Variants in NAPG observed in about 807,000 individuals in gnomAD.
The protein encoded by NAPG is NSF attachment protein gamma.
In NAPG, 25 loss-of-function variants were observed where a neutral mutation model predicts 48.4. The observed-to-expected ratio is 0.52, with a 90% CI of 0.38 to 0.72. The LOEUF is 0.72. Among genes scored for constraint, NAPG ranks in the 30% least tolerant of loss-of-function variants. The probability of loss-of-function intolerance (pLI) is 0.00; values close to 1 mark genes in which losing one functional copy is unlikely to be tolerated. For missense variants in NAPG, 359 were observed against 372.5 expected, an observed-to-expected ratio of 0.96 and a Z score of 0.30; for synonymous variants, 139 against 127.2, an observed-to-expected ratio of 1.09 and a Z score of -0.62.
chr18:10,532,960 T>C (rs1303225222), intron 3 of NAPG, 165 bp downstream of exon 3: 4 of 615,582 alleles, frequency 6.5e-6, no homozygotes, highest in African/African-American at 5.6e-5. Context: ...GCGTTTATAA[T>C]GAAGTTTGAT....
chr18:10,533,537 CT>C lies in NAPG; in HGVS notation c.216del (p.His73MetfsTer11), dbSNP rs1312275216. On this transcript the variant is annotated frameshift_variant and splice_region_variant, in exon 4 of 12. Transcript: ENST00000322897. LOFTEE classifies it high-confidence loss of function. ...EAVAHENNRA[L>X]FHAAKAYEQA... ...TTTGACTTCGTTACTTCCATTCAGT[CT>C]TTTTCATGCTGCCAAGTAAGTATTC... is the stretch of plus-strand genomic sequence containing the variant. 6.3e-7 allele frequency: 1 copy of C among 1,593,234 alleles called. No homozygotes were observed. The highest frequency in any genetic ancestry group is 8.5e-7 in the Non-Finnish European group (1 of 1,170,590).
Position 10,526,153 on chromosome 18 carries a change from GA to G in NAPG, c.54del (p.Lys18AsnfsTer3). On this transcript the variant is annotated frameshift_variant, in exon 1 of 12. Coordinates refer to ENST00000322897, the MANE Select transcript of NAPG (RefSeq NM_003826.3). LOFTEE classifies it high-confidence loss of function. ...EGLEHLAKAE[K>X]YLKTGFLKWK... ...GGCTGGAACACCTCGCCAAAGCAGAGAAATAGTGAGTGAGAACCTTCCGGGG... is the reference window on the plus strand; with the variant it reads ...GGCTGGAACACCTCGCCAAAGCAGAGAATAGTGAGTGAGAACCTTCCGGGG... 1 of 1,536,802 alleles carries G rather than the reference GA, an allele frequency of 6.5e-7. No individual in the cohort carries two copies. The highest frequency in any genetic ancestry group is 8.8e-7 in the Non-Finnish European group (1 of 1,131,348).
At chr18:10,549,234 A>T (rs1452044131) in intron 11 of NAPG, 138 bp downstream of exon 11, 2 of 965,578 alleles carry the variant, frequency 2.1e-6, no homozygotes, top group East Asian at 5.0e-5. Flanking sequence ...TCATAAGGAA[A>T]CTGACCACTT....
intron 9 of NAPG, among the ~76,000 whole-genome samples, chr18:10,547,303 G>C (rs9961818): frequency 6.6e-6 from 1 of 152,170 alleles, no homozygotes; most frequent in East Asian, 1.9e-4. Context: ...GAAAACATCT[G>C]TACTCTCCTG....
chr18:10,541,726 C>CT (rs2032162106), intron 8 of NAPG, among the ~76,000 whole-genome samples: 1 of 152,190 alleles, frequency 6.6e-6, no homozygotes, highest in Non-Finnish European at 1.5e-5. Flanking sequence ...AAGCCCCTTA[C>CT]TATAAGACCC....
Position 10,534,618 on chromosome 18 carries a change from G to T in NAPG, c.258+122G>T, listed in dbSNP as rs141118992. 8.4e-3 allele frequency: 7,048 copies of T among 838,110 alleles called. 49 individuals are homozygous for T. The highest frequency in any genetic ancestry group is 9.5e-3 in the Non-Finnish European group (4,755 of 501,394). 51.9% of individuals were successfully genotyped at this position (838,110 alleles called of 1,614,324 possible). On this transcript the variant is annotated intron_variant, in intron 5 of 11. Transcript: ENST00000322897. This position sits in a 1 kb window ranked among gnomAD's most constrained non-coding sequence, Gnocchi z 5.0. ...TGTAAGGCAAGAGGTGCTAAGTTAA[G>T]ATTTTCTGTCCACGGTAACGTTAAT...
At chr18:10,536,767 G>T (rs1293790330) in intron 5 of NAPG, among the ~76,000 whole-genome samples, 2 of 152,074 alleles carry the variant, frequency 1.3e-5, no homozygotes, top group Non-Finnish European at 2.9e-5. Flanking sequence ...AATAGTTCCT[G>T]TGGTTTTTTT....
intron 7 of NAPG, 115 bp from the exon 8 acceptor site, chr18:10,540,214 C>A: frequency 9.4e-7 from 1 of 1,060,742 alleles, no homozygotes; most frequent in South Asian, 1.5e-5. Context: ...GAACTAGCAG[C>A]TTTCGTGTTC....
intron 1 of NAPG, 93 bp downstream of exon 1, chr18:10,526,251 C>A: frequency 2.5e-6 from 2 of 791,952 alleles, no homozygotes; most frequent in Non-Finnish European, 2.1e-6. Context: ...GGAGGGAGGG[C>A]TCAGGGCTGA....
chr18:10,528,564 G>C (rs2031866534), intron 1 of NAPG, among the ~76,000 whole-genome samples: 1 of 152,224 alleles, frequency 6.6e-6, no homozygotes, highest in South Asian at 2.1e-4. Context: ...GGGAGAGGTG[G>C]TGATGGCCTG....
In NAPG at chr18:10,529,746, C is replaced by T. The variant is rs185117486; in HGVS notation, c.57-1024C>T. Among the ~76,000 whole-genome samples the T allele has an allele frequency of 1.1e-4, 16 of 152,188 alleles. No homozygotes were observed. In the East Asian group the frequency reaches 2.3e-3, roughly 22 times the overall value. Reference sequence around the variant, plus strand: ...CCAGCCTGGGTGACAGAGCGAGACCCTATCTCAAGAAAAAAAAAGAAGCTA... The same window carrying T: ...CCAGCCTGGGTGACAGAGCGAGACCTTATCTCAAGAAAAAAAAAGAAGCTA... On this transcript the variant is annotated intron_variant, in intron 1 of 11. Coordinates refer to ENST00000322897, the MANE Select transcript of NAPG (RefSeq NM_003826.3).
chr18:10,541,394 G>A (rs1194867485), intron 8 of NAPG, among the ~76,000 whole-genome samples: 2 of 152,002 alleles, frequency 1.3e-5, no homozygotes, highest in African/African-American at 2.4e-5. Context: ...TTACTTACTC[G>A]TCGCTTCCCA....
At chr18:10,547,857 A>G (rs1246527493) in intron 9 of NAPG, among the ~76,000 whole-genome samples, 2 of 152,290 alleles carry the variant, frequency 1.3e-5, no homozygotes, top group South Asian at 4.1e-4. Context: ...TCACTCATAC[A>G]TCTTTTTCCT....
intron 2 of NAPG, among the ~76,000 whole-genome samples, chr18:10,532,400 G>A (rs149048380): frequency 5.5e-4 from 84 of 152,208 alleles, no homozygotes; most frequent in African/African-American, 1.8e-3. Flanking sequence ...AGAATCTGCC[G>A]GTTACTGGGG....
rs985143629 is a variant in NAPG, at chr18:10,534,182, G to A, written c.228-284G>A. On this transcript the variant is annotated intron_variant, in intron 4 of 11. Coordinates refer to ENST00000322897, the MANE Select transcript of NAPG (RefSeq NM_003826.3). The surrounding 1 kb of genome is among the most constrained non-coding windows in gnomAD (Gnocchi z 5.0). The stretch of plus-strand genomic sequence containing the variant: ...AAACAAACAAAAAAACTTAGGTTTA[G>A]GTTTGTCAGATGGAAATTAATTTAA... Among the ~76,000 whole-genome samples, 29 of 152,124 alleles carry A rather than the reference G, an allele frequency of 1.9e-4. No individual in the cohort carries two copies. Among genetic ancestry groups the A allele is most frequent in the African/African-American group, 6.8e-4 (28 of 41,424 alleles).
intron 8 of NAPG, among the ~76,000 whole-genome samples, chr18:10,541,271 T>G (rs1453054467): frequency 2.6e-5 from 4 of 152,190 alleles, no homozygotes; most frequent in Non-Finnish European, 5.9e-5. Flanking sequence ...CTGAGGAGTA[T>G]TTTTTTGTCT....
intron 5 of NAPG, among the ~76,000 whole-genome samples, chr18:10,537,837 G>A (rs1428679301): frequency 6.6e-6 from 1 of 152,144 alleles, no homozygotes; most frequent in Non-Finnish European, 1.5e-5. Flanking sequence ...TTCATACAGT[G>A]TCTTTCAGTC....
In NAPG at chr18:10,551,861, CTTAA is replaced by C. The variant is rs1044774129; in HGVS notation, c.*1644_*1647del. 68 of 152,114 alleles carry C rather than the reference CTTAA, an allele frequency of 4.5e-4. No homozygotes were observed. Among genetic ancestry groups the C allele is most frequent in the Non-Finnish European group, 3.8e-4 (26 of 67,986 alleles). 9.4% of individuals were successfully genotyped at this position (152,114 alleles called of 1,614,324 possible). ...GCTAATAAATTTAATGTTTTTCTTC[CTTAA>C]TTTATTGGCATAGTTCTTCAGGTAG... On this transcript the variant is annotated 3_prime_UTR_variant, in exon 12 of 12. Coordinates refer to ENST00000322897, the MANE Select transcript of NAPG (RefSeq NM_003826.3).
intron 1 of NAPG, among the ~76,000 whole-genome samples, chr18:10,527,911 C>T (rs576022193): frequency 6.8e-4 from 104 of 151,972 alleles, no homozygotes; most frequent in African/African-American, 2.5e-3. Context: ...GCAGGCTGGG[C>T]CCTGTCGCTC....
Sources: allele counts gnomAD v4.1 joint callset (sites outside exome capture counted in the v4.1 genomes callset), GRCh38; gene constraint gnomAD v4.1.1; non-coding constraint Gnocchi (gnomAD v3.1); transcripts MANE v1.5; gene names NCBI Gene and HGNC (gene_info 2026-07-23, HGNC 2026-07-21).